The following SLC39A8 variants were observed in gnomAD, a reference collection of about 807,000 sequenced individuals.
SLC39A8 encodes metal cation symporter ZIP8.
A neutral mutation model predicts 40.4 loss-of-function variants in SLC39A8; 15 were observed. That is an observed-to-expected ratio of 0.37 (90% CI 0.25 to 0.57). SLC39A8 has a LOEUF of 0.57. Ranked by LOEUF, SLC39A8 falls within the 20% of genes least tolerant of loss-of-function variation. SLC39A8 has a pLI of 0.75. For missense variants in SLC39A8, 472 were observed against 558.8 expected (o/e 0.84, Z 1.57); for synonymous variants, 223 against 221.6 (o/e 1.01, Z -0.06).
intron 4 of SLC39A8, among the ~76,000 whole-genome samples, chr4:102,305,343 C>T (rs1355522960): frequency 4.0e-5 from 6 of 151,870 alleles, no homozygotes; most frequent in Admixed American, 3.3e-4. Flanking sequence ...AATAAAGCCA[C>T]CAGAGAATCT....
At chr4:102,300,089 C>T (rs1733852005) in intron 6 of SLC39A8, among the ~76,000 whole-genome samples, 2 of 152,000 alleles carry the variant, frequency 1.3e-5, no homozygotes, top group African/African-American at 2.4e-5. Context: ...TTTCCTACAT[C>T]TTCCTTTTTA....
At chr4:102,290,402 G>C (rs1173460654) in intron 6 of SLC39A8, among the ~76,000 whole-genome samples, 1 of 152,026 alleles carries the variant, frequency 6.6e-6, no homozygotes, top group African/African-American at 2.4e-5. Flanking sequence ...TTTTGACACC[G>C]ACTATGGTTC....
At chr4:102,253,374 C>T in exon 12 of SLC39A8, 2 of 711,020 alleles carry the variant, frequency 2.8e-6, no homozygotes, top group East Asian at 2.7e-5. Flanking sequence ...GTTGAAGGTG[C>T]TGGTATTGCA....
chr4:102,306,114 C>T (rs1056314205), intron 4 of SLC39A8, among the ~76,000 whole-genome samples: 3 of 151,908 alleles, frequency 2.0e-5, no homozygotes, highest in African/African-American at 7.2e-5. Context: ...CTACAAAAAA[C>T]TCTATGAAAA....
At chr4:102,253,489 C>T (rs1330272270) in intron 11 of SLC39A8, 30 of 686,236 alleles carry the variant, frequency 4.4e-5, no homozygotes, top group Admixed American at 1.8e-4. Flanking sequence ...ACCATGTTTC[C>T]GTAATCTTTC....
At chr4:102,312,703 CCACAGCACCTAG>C (rs1734484883) in intron 3 of SLC39A8, among the ~76,000 whole-genome samples, 1 of 152,092 alleles carries the variant, frequency 6.6e-6, no homozygotes, top group Admixed American at 6.6e-5. Context: ...AACAGGCCTA[CCACAGCACCTAG>C]GTACTGAATA....
At chr4:102,329,602 G>A (rs1174257708) in intron 2 of SLC39A8, among the ~76,000 whole-genome samples, 3 of 147,258 alleles carry the variant, frequency 2.0e-5, no homozygotes, top group African/African-American at 7.6e-5. Flanking sequence ...CAGCCTGGGG[G>A]AGAGAGCAAG....
At chr4:102,255,489 T>C (rs1277404992) in intron 11 of SLC39A8, among the ~76,000 whole-genome samples, 2 of 152,140 alleles carry the variant, frequency 1.3e-5, no homozygotes, top group East Asian at 1.9e-4. Flanking sequence ...GCCAGGAACA[T>C]GACCACCAGA....
intron 6 of SLC39A8, among the ~76,000 whole-genome samples, chr4:102,274,443 G>A (rs1732521014): frequency 1.3e-5 from 2 of 152,178 alleles, no homozygotes; most frequent in African/African-American, 4.8e-5. Context: ...CAAGAAATAT[G>A]GGACTATGTG....
At chr4:102,257,308 C>T (rs1731730257), downstream of SLC39A8, among the ~76,000 whole-genome samples, 1 of 151,864 alleles carries the variant, frequency 6.6e-6, no homozygotes, top group African/African-American at 2.4e-5. Flanking sequence ...CCGCCACCAC[C>T]CCCAGCTAAT....
chr4:102,284,736 C>G (rs561868301), intron 6 of SLC39A8, among the ~76,000 whole-genome samples: 1 of 152,238 alleles, frequency 6.6e-6, no homozygotes, highest in South Asian at 2.1e-4. Flanking sequence ...AAAATACAGA[C>G]TATTTTTGCA....
chr4:102,316,561 CAT>C (rs1302848124), intron 2 of SLC39A8, among the ~76,000 whole-genome samples: 1 of 152,164 alleles, frequency 6.6e-6, no homozygotes, highest in African/African-American at 2.4e-5. Context: ...TAAGCTCTTC[CAT>C]ATACAGTACT....
chr4:102,292,979 A>C (rs933400014), intron 6 of SLC39A8, among the ~76,000 whole-genome samples: 5 of 152,092 alleles, frequency 3.3e-5, no homozygotes, highest in African/African-American at 1.2e-4. Context: ...TTAAACTCAA[A>C]TCTACCTGAC....
chr4:102,326,367 C>G (rs1319930831), intron 2 of SLC39A8, among the ~76,000 whole-genome samples: 1 of 152,158 alleles, frequency 6.6e-6, no homozygotes, highest in Non-Finnish European at 1.5e-5. Flanking sequence ...CGAGACCATC[C>G]TGGCTAACAC....
At chr4:102,282,310 A>G (rs11733504) in intron 6 of SLC39A8, among the ~76,000 whole-genome samples, 46,208 of 152,162 alleles carry the variant, frequency 0.3, 7,656 homozygotes, top group East Asian at 0.41. Context: ...CTCTCATGAC[A>G]TGTTCACAAA....
chr4:102,276,701 C>T (rs1240343187), intron 6 of SLC39A8, among the ~76,000 whole-genome samples: 2 of 151,980 alleles, frequency 1.3e-5, no homozygotes, highest in Non-Finnish European at 2.9e-5. Flanking sequence ...AAAATTTCAG[C>T]CTAATATCCC....
chr4:102,255,010 T>C (rs1731676865), intron 11 of SLC39A8, among the ~76,000 whole-genome samples: 2 of 152,236 alleles, frequency 1.3e-5, no homozygotes, highest in Admixed American at 6.5e-5. Flanking sequence ...ACAATGTTTC[T>C]ATGTATTCCA....
At chr4:102,301,486 G>T (rs1733925946) in intron 6 of SLC39A8, among the ~76,000 whole-genome samples, 1 of 150,086 alleles carries the variant, frequency 6.7e-6, no homozygotes, top group Non-Finnish European at 1.5e-5. Context: ...ATTACTATAT[G>T]ATATTTTCTT....
Position 102,262,879 on chromosome 4 carries a change from A to G in SLC39A8, c.*165T>C. On this transcript the variant is annotated 3_prime_UTR_variant, in exon 9 of 9. Coordinates refer to ENST00000356736, the MANE Select transcript of SLC39A8 (RefSeq NM_001135146.2). ...AACCTTTTGAAGCATTTTTAACAACAAATAATGGACTATTTCACAGACTGA... is the reference window on the plus strand; with the variant it reads ...AACCTTTTGAAGCATTTTTAACAACGAATAATGGACTATTTCACAGACTGA... The G allele has an allele frequency of 7.3e-7, 1 of 1,377,640 alleles. No individual in the cohort carries two copies. Among genetic ancestry groups the G allele is most frequent in the Non-Finnish European group, 9.4e-7 (1 of 1,068,760 alleles). 85.3% of individuals were successfully genotyped at this position (1,377,640 alleles called of 1,614,324 possible).
Sources: gnomAD v4.1 joint callset for allele counts (sites outside exome capture counted in the v4.1 genomes callset) on GRCh38, gnomAD v4.1.1 for gene constraint, MANE v1.5 for transcripts, NCBI Gene and HGNC (gene_info 2026-07-23, HGNC 2026-07-21) for gene names.